NKAIN2: variants seen among roughly 807,000 people sequenced by gnomAD.
The protein encoded by NKAIN2 is sodium/potassium transporting ATPase interacting 2.
Under a neutral mutation model 32.6 loss-of-function variants are expected in NKAIN2, and 14 were observed. The observed-to-expected ratio is 0.43, with a 90% CI of 0.28 to 0.67. NKAIN2 has a LOEUF of 0.67. Among genes scored for constraint, NKAIN2 ranks in the 30% least tolerant of loss-of-function variants. The pLI is 0.17. For synonymous variants in NKAIN2, 80 were observed against 87.2 expected, an observed-to-expected ratio of 0.92 and a Z score of 0.46; for missense variants, 198 against 258.3, an observed-to-expected ratio of 0.77 and a Z score of 1.60.
At chr6:124,685,050 C>T (rs1255827836) in intron 4 of NKAIN2, among the ~76,000 whole-genome samples, 1 of 152,138 alleles carries the variant, frequency 6.6e-6, no homozygotes, top group Non-Finnish European at 1.5e-5. Flanking sequence ...TGGGGTCTCA[C>T]AGAAATACAT....
chr6:124,584,602 G>A (rs547982760), intron 3 of NKAIN2, among the ~76,000 whole-genome samples: 4 of 148,644 alleles, frequency 2.7e-5, no homozygotes, highest in South Asian at 4.2e-4. Flanking sequence ...GCAGTGAGCC[G>A]AGATCGTGTC....
At chr6:124,234,351 C>T (rs1393442741) in intron 1 of NKAIN2, among the ~76,000 whole-genome samples, 1 of 152,148 alleles carries the variant, frequency 6.6e-6, no homozygotes, top group Non-Finnish European at 1.5e-5. Flanking sequence ...GGATCCCACA[C>T]TATGCTAGTT....
chr6:123,856,621 A>G (rs1028505683), intron 1 of NKAIN2, among the ~76,000 whole-genome samples: 3 of 152,244 alleles, frequency 2.0e-5, no homozygotes, highest in Admixed American at 6.5e-5. Context: ...AACTATTTAA[A>G]GATAAATTTG....
chr6:124,367,087 C>T lies in NKAIN2; in HGVS notation c.273+11740C>T, dbSNP rs1436069141. Among the ~76,000 whole-genome samples, 8 of 152,040 alleles carry T rather than the reference C, an allele frequency of 5.3e-5. No individual in the cohort carries two copies. The South Asian group carries it at 8.3e-4, about 16-fold the overall frequency. On this transcript the variant is annotated intron_variant, in intron 3 of 6. Coordinates refer to ENST00000368417, the MANE Select transcript of NKAIN2 (RefSeq NM_001040214.3). ...TATTTGCTAAAAGACCACACATCAT[C>T]GTTATGCAGGAGAATGCCACTGAGC...
intron 3 of NKAIN2, among the ~76,000 whole-genome samples, chr6:124,638,887 CAAAAAAAAAA>C (rs35802663): frequency 1.1e-4 from 9 of 82,632 alleles, no homozygotes; most frequent in African/African-American, 4.2e-4. Context: ...GAGACTCTGT[CAAAAAAAAAA>C]AAAAAAAAAA....
At chr6:124,229,741 C>T (rs1352595519) in intron 1 of NKAIN2, among the ~76,000 whole-genome samples, 1 of 152,068 alleles carries the variant, frequency 6.6e-6, no homozygotes, top group Admixed American at 6.6e-5. Context: ...TGCACAGGCT[C>T]TCTTTTTGCC....
At chr6:124,548,424 A>G (rs1416901555) in intron 3 of NKAIN2, among the ~76,000 whole-genome samples, 1 of 152,220 alleles carries the variant, frequency 6.6e-6, no homozygotes, top group Non-Finnish European at 1.5e-5. Context: ...TAAAATTCTT[A>G]GTGGATCAAA....
At chr6:123,939,716 C>G (rs1169525758) in intron 1 of NKAIN2, among the ~76,000 whole-genome samples, 1 of 151,946 alleles carries the variant, frequency 6.6e-6, no homozygotes, top group African/African-American at 2.4e-5. Context: ...TTTGAAAATG[C>G]TGCCTTAGTT....
At chr6:124,768,440 A>G (rs189859399) in intron 4 of NKAIN2, among the ~76,000 whole-genome samples, 1 of 152,286 alleles carries the variant, frequency 6.6e-6, no homozygotes, top group Admixed American at 6.5e-5. Context: ...CTAATCTGTC[A>G]TCTCAGCAGC....
intron 3 of NKAIN2, among the ~76,000 whole-genome samples, chr6:124,479,879 A>T (rs1777376134): frequency 6.6e-6 from 1 of 152,194 alleles, no homozygotes; most frequent in South Asian, 2.1e-4. Context: ...TTGAATTCAG[A>T]TAAATGTATT....
At chr6:124,514,888 A>G (rs567346775) in intron 3 of NKAIN2, among the ~76,000 whole-genome samples, 181 of 152,304 alleles carry the variant, frequency 1.2e-3, no homozygotes, top group Non-Finnish European at 2.2e-3. Flanking sequence ...TGCATCAGAA[A>G]GTGGTGGTTC....
intron 3 of NKAIN2, among the ~76,000 whole-genome samples, chr6:124,645,387 C>T (rs1327147743): frequency 1.3e-5 from 2 of 152,142 alleles, no homozygotes; most frequent in Non-Finnish European, 2.9e-5. Context: ...ACAGGCAAGC[C>T]TCTTGAGGCA....
intron 4 of NKAIN2, among the ~76,000 whole-genome samples, chr6:124,697,923 G>A (rs540983549): frequency 6.6e-6 from 1 of 152,204 alleles, no homozygotes; most frequent in East Asian, 1.9e-4. Flanking sequence ...AGCAAGGATG[G>A]TGTGTATCTT....
At chr6:124,020,931 C>T (rs1338647903) in intron 1 of NKAIN2, among the ~76,000 whole-genome samples, 1 of 151,990 alleles carries the variant, frequency 6.6e-6, no homozygotes, top group Non-Finnish European at 1.5e-5. Context: ...TTTTTCAGAG[C>T]TGCTATTTTA....
chr6:124,414,284 AGAT>A (rs1412447762), intron 3 of NKAIN2, among the ~76,000 whole-genome samples: 1 of 152,154 alleles, frequency 6.6e-6, no homozygotes, highest in Non-Finnish European at 1.5e-5. Context: ...TCACTTATTA[AGAT>A]GATCACATTT....
intron 1 of NKAIN2, among the ~76,000 whole-genome samples, chr6:124,045,806 GC>G (rs1782094814): frequency 6.6e-6 from 1 of 151,862 alleles, no homozygotes. Context: ...TCAATCTCTG[GC>G]CCTTTCAGTA....
chr6:124,531,462 G>A (rs1779522566), intron 3 of NKAIN2, among the ~76,000 whole-genome samples: 1 of 152,066 alleles, frequency 6.6e-6, no homozygotes, highest in African/African-American at 2.4e-5. Context: ...GTTTTGTTGA[G>A]ATTTTTTACA....
At position 124,213,375 on chromosome 6, in the gene NKAIN2, A is replaced by G. The variant is rs929008138; in HGVS notation, c.55-69630A>G. 2.0e-5 allele frequency among the ~76,000 whole-genome samples: 3 copies of G among 152,152 alleles called. No homozygotes were observed. The East Asian group carries it at 5.8e-4, about 29-fold the overall frequency. On this transcript the variant is annotated intron_variant, in intron 1 of 6. Transcript: ENST00000368417. ...TTAAATTGGTTCCCGGAGTCTTAGT[A>G]AAATATAGCTGCAAACAAATATTTT...
chr6:124,626,945 A>G (rs1783376346), intron 3 of NKAIN2, among the ~76,000 whole-genome samples: 1 of 152,156 alleles, frequency 6.6e-6, no homozygotes, highest in Admixed American at 6.6e-5. Flanking sequence ...TAACCACTGC[A>G]TCAACTAATG....
Sources: gnomAD v4.1 joint callset for allele counts (sites outside exome capture counted in the v4.1 genomes callset) on GRCh38, gnomAD v4.1.1 for gene constraint, MANE v1.5 for transcripts, NCBI Gene and HGNC (gene_info 2026-07-23, HGNC 2026-07-21) for gene names.